SNCAIP: variants seen among roughly 807,000 people sequenced by gnomAD.
The protein encoded by SNCAIP is synphilin-1.
SNCAIP carries 43 observed loss-of-function variants against 86.7 expected under a neutral mutation model. The observed-to-expected ratio is 0.50, with a 90% CI of 0.39 to 0.64. The LOEUF is 0.64. Ranked by LOEUF, SNCAIP falls within the 30% of genes least tolerant of loss-of-function variation. The pLI, the probability that SNCAIP is intolerant of heterozygous loss-of-function variation, is 0.00. For synonymous variants in SNCAIP, 417 were observed against 427.2 expected (o/e 0.98, Z 0.29); for missense variants, 981 against 1,103.1 (o/e 0.89, Z 1.57).
intron 1 of SNCAIP, among the ~76,000 whole-genome samples, chr5:122,386,616 AAAG>A (rs1422524673): frequency 6.6e-6 from 1 of 152,186 alleles, no homozygotes; most frequent in Non-Finnish European, 1.5e-5. Context: ...GGGCACATCC[AAAG>A]AAGGGAGCCA....
chr5:122,407,732 A>T (rs965377073), intron 3 of SNCAIP, among the ~76,000 whole-genome samples: 2 of 150,658 alleles, frequency 1.3e-5, no homozygotes, highest in African/African-American at 4.9e-5. Context: ...TAAAAGTGAA[A>T]AATATAAGAG....
intron 8 of SNCAIP, among the ~76,000 whole-genome samples, chr5:122,447,089 C>A (rs1391677391): frequency 1.1e-4 from 17 of 152,178 alleles, no homozygotes; most frequent in Admixed American, 1.1e-3. Flanking sequence ...CACAGACATG[C>A]ACACGGGGAG....
At chr5:122,336,775 G>T (rs1270723563) in intron 1 of SNCAIP, 1 of 152,336 alleles carries the variant, frequency 6.6e-6, no homozygotes, top group Non-Finnish European at 1.5e-5. Context: ...TGATTTTTTT[G>T]TATTTTTTGC....
At chr5:122,352,544 C>T (rs534623177) in intron 1 of SNCAIP, among the ~76,000 whole-genome samples, 1 of 152,306 alleles carries the variant, frequency 6.6e-6, no homozygotes, top group African/African-American at 2.4e-5. Flanking sequence ...GCAAATGATG[C>T]AATATCAGAA....
intron 1 of SNCAIP, among the ~76,000 whole-genome samples, chr5:122,377,496 GA>G (rs1392944657): frequency 2.9e-4 from 11 of 37,290 alleles, no homozygotes; most frequent in African/African-American, 7.8e-4. Context: ...GAGACAGACA[GA>G]GAGAGAGAGA....
intron 1 of SNCAIP, among the ~76,000 whole-genome samples, chr5:122,347,623 C>T (rs1294938454): frequency 6.6e-6 from 1 of 151,908 alleles, no homozygotes; most frequent in Admixed American, 6.6e-5. Context: ...AATATATATC[C>T]ATATTGATCT....
At chr5:122,360,113 C>G (rs974657413) in intron 1 of SNCAIP, among the ~76,000 whole-genome samples, 1 of 152,182 alleles carries the variant, frequency 6.6e-6, no homozygotes, top group Non-Finnish European at 1.5e-5. Flanking sequence ...AACCACTTTT[C>G]CAGCATTCTT....
chr5:122,340,568 G>A (rs1757363724), intron 1 of SNCAIP, among the ~76,000 whole-genome samples: 1 of 152,152 alleles, frequency 6.6e-6, no homozygotes, highest in Non-Finnish European at 1.5e-5. Flanking sequence ...CCATTGAGTA[G>A]TGTCAATACC....
chr5:122,429,799 G>A (rs1002172327), intron 5 of SNCAIP, among the ~76,000 whole-genome samples: 1 of 152,180 alleles, frequency 6.6e-6, no homozygotes, highest in Non-Finnish European at 1.5e-5. Flanking sequence ...TAACAGCCAG[G>A]ACACGGTTAC....
At chr5:122,399,174 C>A in intron 2 of SNCAIP, among the ~76,000 whole-genome samples, 1 of 151,970 alleles carries the variant, frequency 6.6e-6, no homozygotes, top group East Asian at 1.9e-4. Context: ...AAAGTCATGG[C>A]GGAAATGAAG....
At chr5:122,444,403 G>T in intron 7 of SNCAIP, 160 bp from the exon 8 acceptor site, 1 of 718,276 alleles carries the variant, frequency 1.4e-6, no homozygotes, top group Non-Finnish European at 2.5e-6. Context: ...AGTAGGACTG[G>T]CTCTGCTACA....
At chr5:122,326,639 T>TTTA (rs1561514884) in intron 1 of SNCAIP, among the ~76,000 whole-genome samples, 1 of 107,836 alleles carries the variant, frequency 9.3e-6, no homozygotes, top group Non-Finnish European at 1.8e-5. Context: ...TTTTTTTTTT[T>TTTA]ACAATTAAGT....
intron 1 of SNCAIP, among the ~76,000 whole-genome samples, chr5:122,355,704 A>G (rs1017681306): frequency 2.0e-5 from 3 of 152,204 alleles, no homozygotes; most frequent in Non-Finnish European, 4.4e-5. Context: ...CTAGACTCAC[A>G]GAGGGGAATG....
At chr5:122,386,929 A>T (rs753141774) in intron 1 of SNCAIP, among the ~76,000 whole-genome samples, 1 of 152,104 alleles carries the variant, frequency 6.6e-6, no homozygotes, top group Non-Finnish European at 1.5e-5. Flanking sequence ...CGTGGACAAT[A>T]CTCATGGTGG....
intron 3 of SNCAIP, among the ~76,000 whole-genome samples, chr5:122,408,219 G>T (rs1773400696): frequency 6.6e-6 from 1 of 152,168 alleles, no homozygotes; most frequent in South Asian, 2.1e-4. Context: ...TCGGAAACCT[G>T]TCAGCCCCAC....
rs3031391 is a variant in SNCAIP at position 122,377,494 on chromosome 5, C to CAGAG, written c.-46-13571_-46-13568dup. Among the ~76,000 whole-genome samples the CAGAG allele has an allele frequency of 5.0e-3, 749 of 149,268 alleles. 6 individuals carry two copies. The highest frequency in any genetic ancestry group is 0.016 in the African/African-American group (658 of 40,498). The stretch of plus-strand genomic sequence containing the variant: ...AAGAAAGGGGTGAGAGGGAGACAGA[C>CAGAG]AGAGAGAGAGAGAGAGAGAGAGAGA... On this transcript the variant is annotated intron_variant, in intron 1 of 10. Coordinates refer to ENST00000261368, the MANE Select transcript of SNCAIP (RefSeq NM_005460.4).
At position 122,326,568 on chromosome 5, in the gene SNCAIP, T is replaced by G. The variant is rs954062574; in HGVS notation, c.-47+14284T>G. The stretch of plus-strand genomic sequence containing the variant: ...TTGGAAAAATTGTCCAAGTATTCTC[T>G]TATAGAATAGAGAGAAAGGGAACTT... On this transcript the variant is annotated intron_variant, in intron 1 of 10. Coordinates refer to ENST00000261368, the MANE Select transcript of SNCAIP (RefSeq NM_005460.4). 3.3e-5 allele frequency among the ~76,000 whole-genome samples: 5 copies of G among 150,834 alleles called. No homozygotes were observed. The South Asian group carries it at 1.1e-3, about 32-fold the overall frequency.
intron 10 of SNCAIP, among the ~76,000 whole-genome samples, chr5:122,459,257 C>T (rs566856405): frequency 7.2e-5 from 11 of 152,274 alleles, no homozygotes; most frequent in South Asian, 2.1e-4. Context: ...AAATGTCGTG[C>T]GTGCCGTGGA....
At chr5:122,410,687 G>A (rs1401685996) in intron 3 of SNCAIP, among the ~76,000 whole-genome samples, 1 of 152,158 alleles carries the variant, frequency 6.6e-6, no homozygotes, top group Non-Finnish European at 1.5e-5. Context: ...GCTGGTGGTA[G>A]TGGCACACCT....
Sources: allele counts gnomAD v4.1 joint callset (sites outside exome capture counted in the v4.1 genomes callset), GRCh38; gene constraint gnomAD v4.1.1; transcripts MANE v1.5; gene names NCBI Gene and HGNC (gene_info 2026-07-23, HGNC 2026-07-21).